COL25A1: variants seen among roughly 807,000 people sequenced by gnomAD.
COL25A1 encodes collagen type XXV alpha 1 chain.
A neutral mutation model predicts 128.4 loss-of-function variants in COL25A1; 103 were observed. The ratio of observed to expected loss-of-function variants is 0.80; its 90% CI spans 0.68 to 0.94. The LOEUF (loss-of-function observed/expected upper bound fraction) is 0.94, where lower values mean the gene tolerates loss of function less well. Among genes scored for constraint, COL25A1 ranks in the 40% least tolerant of loss-of-function variants. The pLI is 0.00. For synonymous variants in COL25A1, 279 were observed against 277.2 expected (o/e 1.01, Z -0.06); for missense variants, 745 against 840.0 (o/e 0.89, Z 1.40).
intron 3 of COL25A1, among the ~76,000 whole-genome samples, chr4:109,178,652 G>A (rs181787950): frequency 3.3e-5 from 5 of 151,850 alleles, no homozygotes; most frequent in Admixed American, 2.0e-4. Context: ...GTGAAACCCC[G>A]TCTCTACTAA....
At chr4:109,227,618 A>G (rs1464279187) in intron 3 of COL25A1, among the ~76,000 whole-genome samples, 1 of 150,778 alleles carries the variant, frequency 6.6e-6, no homozygotes, top group Non-Finnish European at 1.5e-5. Flanking sequence ...TTAAATTTTT[A>G]TCTTTCACCA....
chr4:108,862,369 C>A (rs549204846), intron 22 of COL25A1, 132 bp downstream of exon 22: 1 of 716,040 alleles, frequency 1.4e-6, no homozygotes, highest in South Asian at 1.7e-5. Context: ...ATCCCTTTTG[C>A]AATAAGTATT....
intron 3 of COL25A1, among the ~76,000 whole-genome samples, chr4:109,052,558 T>C (rs1324669751): frequency 6.6e-6 from 1 of 152,160 alleles, no homozygotes; most frequent in Non-Finnish European, 1.5e-5. Context: ...TTATAATTAT[T>C]ATTGGAATCA....
chr4:109,198,482 C>T (rs1407750821), intron 3 of COL25A1, among the ~76,000 whole-genome samples: 4 of 152,286 alleles, frequency 2.6e-5, no homozygotes, highest in Middle Eastern at 3.4e-3. Context: ...GAGAAAGACT[C>T]CTTTTACTCC....
At chr4:108,830,775 C>A (rs2125726642) in intron 32 of COL25A1, among the ~76,000 whole-genome samples, 1 of 152,376 alleles carries the variant, frequency 6.6e-6, no homozygotes, top group South Asian at 2.1e-4. Flanking sequence ...ACACGGTAAA[C>A]CCTCTTGAGC....
intron 19 of COL25A1, among the ~76,000 whole-genome samples, chr4:108,874,774 C>A (rs539042520): frequency 6.6e-6 from 1 of 152,232 alleles, no homozygotes; most frequent in South Asian, 2.1e-4. Flanking sequence ...GAGGGAAAGA[C>A]AAAGACTTAA....
chr4:108,928,096 C>T (rs1199974549), intron 11 of COL25A1, among the ~76,000 whole-genome samples: 1 of 152,102 alleles, frequency 6.6e-6, no homozygotes, highest in Admixed American at 6.6e-5. Flanking sequence ...CTTCTTTGCC[C>T]TCTGTGATTA....
At chr4:109,196,945 C>T (rs1776092444) in intron 3 of COL25A1, among the ~76,000 whole-genome samples, 1 of 152,126 alleles carries the variant, frequency 6.6e-6, no homozygotes, top group Admixed American at 6.6e-5. Context: ...ACTCATGGTC[C>T]ATTTAGAATC....
At chr4:109,097,548 G>C (rs1765505641) in intron 3 of COL25A1, among the ~76,000 whole-genome samples, 1 of 151,512 alleles carries the variant, frequency 6.6e-6, no homozygotes, top group African/African-American at 2.4e-5. Context: ...AGCAGGCAAA[G>C]GTTGCAGTGA....
intron 3 of COL25A1, among the ~76,000 whole-genome samples, chr4:109,223,694 A>G (rs1778584571): frequency 1.3e-5 from 2 of 151,962 alleles, no homozygotes; most frequent in South Asian, 2.1e-4. Context: ...GGAGTACAGG[A>G]AAGTGTGCCC....
rs574376242 is a variant in COL25A1, at chr4:108,874,912, T to C, written c.1021-5762A>G. Among the ~76,000 whole-genome samples the C allele has an allele frequency of 3.9e-5, 6 of 152,312 alleles. No individual in the cohort carries two copies. In the South Asian group the frequency reaches 1.2e-3, roughly 32 times the overall value. ...CCTCAGGTATTATACATATTTCTTC[T>C]CTCATTTCACAGATATTCCACATTC... On this transcript the variant is annotated intron_variant, in intron 19 of 37. Transcript: ENST00000399132.
At chr4:108,984,634 G>A (rs866767840) in intron 6 of COL25A1, among the ~76,000 whole-genome samples, 2 of 152,222 alleles carry the variant, frequency 1.3e-5, no homozygotes, top group Admixed American at 6.5e-5. Context: ...GGGGCCAGCC[G>A]GCCGCTCCGA....
intron 3 of COL25A1, among the ~76,000 whole-genome samples, chr4:109,098,357 A>G (rs1560688818): frequency 6.6e-6 from 1 of 152,212 alleles, no homozygotes; most frequent in African/African-American, 2.4e-5. Flanking sequence ...TGGGAACCCA[A>G]GAATCCTCAC....
chr4:109,058,936 T>C (rs1761691722), intron 3 of COL25A1, among the ~76,000 whole-genome samples: 1 of 151,794 alleles, frequency 6.6e-6, no homozygotes, highest in South Asian at 2.1e-4. Flanking sequence ...GTCATTCGAG[T>C]AAGAGTAGGA....
chr4:108,908,121 CT>C (rs974322021), intron 13 of COL25A1, among the ~76,000 whole-genome samples: 2 of 152,156 alleles, frequency 1.3e-5, no homozygotes, highest in Non-Finnish European at 2.9e-5. Context: ...CTAAGACTTG[CT>C]TTTTCCAGCC....
intron 5 of COL25A1, among the ~76,000 whole-genome samples, chr4:109,024,141 T>A (rs996684745): frequency 6.6e-6 from 1 of 152,124 alleles, no homozygotes; most frequent in Non-Finnish European, 1.5e-5. Flanking sequence ...TGTAGGCTAA[T>A]GTAAGTGTTC....
intron 3 of COL25A1, among the ~76,000 whole-genome samples, chr4:109,142,568 A>C (rs900471537): frequency 1.3e-5 from 2 of 151,618 alleles, no homozygotes; most frequent in Non-Finnish European, 2.9e-5. Flanking sequence ...GTAGTCTCTA[A>C]GAACTTACTT....
chr4:109,172,189 T>C (rs1166544240), intron 3 of COL25A1, among the ~76,000 whole-genome samples: 1 of 152,034 alleles, frequency 6.6e-6, no homozygotes, highest in Non-Finnish European at 1.5e-5. Context: ...TGTTCAAAAA[T>C]ATGTGTTGCA....
At chr4:109,284,120 T>G (rs1036121845) in intron 3 of COL25A1, among the ~76,000 whole-genome samples, 4 of 152,206 alleles carry the variant, frequency 2.6e-5, no homozygotes, top group Admixed American at 1.3e-4. Context: ...TTACAACATT[T>G]GTTAACAATA....
Sources: gnomAD v4.1 joint callset for allele counts (sites outside exome capture counted in the v4.1 genomes callset) on GRCh38, gnomAD v4.1.1 for gene constraint, MANE v1.5 for transcripts, NCBI Gene and HGNC (gene_info 2026-07-23, HGNC 2026-07-21) for gene names.